Variants in CYP1B1 observed in about 807,000 individuals in gnomAD.
CYP1B1 encodes the protein cytochrome P450 family 1 subfamily B member 1.
A neutral mutation model predicts 29.9 loss-of-function variants in CYP1B1; 22 were observed. The ratio of observed to expected loss-of-function variants is 0.74; its 90% CI spans 0.53 to 1.05. The LOEUF (loss-of-function observed/expected upper bound fraction) is 1.05, where lower values mean the gene tolerates loss of function less well. Among genes scored for constraint, CYP1B1 ranks in the 50% least tolerant of loss-of-function variants. CYP1B1 has a pLI of 0.00. For synonymous variants in CYP1B1, 375 were observed against 320.0 expected (o/e 1.17, Z -1.83); for missense variants, 883 against 746.9 (o/e 1.18, Z -2.12).
intron 2 of CYP1B1, among the ~76,000 whole-genome samples, chr2:38,071,564 C>CA (rs1682433794): frequency 6.6e-6 from 1 of 152,062 alleles, no homozygotes; most frequent in Admixed American, 6.5e-5. Flanking sequence ...CATTATAAGT[C>CA]AAAAAACTCT....
chr2:38,074,245 C>T, intron 2 of CYP1B1, 101 bp downstream of exon 2: 1 of 1,355,170 alleles, frequency 7.4e-7, no homozygotes, highest in Non-Finnish European at 1.0e-6. Context: ...TGGAGCGAAA[C>T]CCCAAACCCG....
rs758678313 is a variant in CYP1B1 at position 38,074,669 on chromosome 2, C to T, written c.720G>A (p.Leu240=). Residue 240 remains leucine (L), a synonymous_variant, in exon 2 of 3, where the codon CTG becomes CTA. Transcript: ENST00000610745. The part of the protein sequence containing the change: ...EFGRTVGAGS[L]VDVMPWLQYF... ...ACTGCAGCCAGGGCATCACGTCCAC[C>T]AGGCTGCCCGCGCCCACCGTGCGCC... The T allele has an allele frequency of 1.2e-6, 2 of 1,613,028 alleles. No individual in the cohort carries two copies. Among genetic ancestry groups the T allele is most frequent in the Admixed American group, 3.3e-5 (2 of 59,996 alleles).
chr2:38,070,837 C>G lies in CYP1B1; in HGVS notation c.1517G>C (p.Ser506Thr). Reference sequence around the variant, plus strand: ...CTTGGGTTTAATGGTTAGACCATAACTGAAATTCATTTTCGCAGGCTCATT... The same window carrying G: ...CTTGGGTTTAATGGTTAGACCATAAGTGAAATTCATTTTCGCAGGCTCATT... ...NPNEPAKMNF[S>T]YGLTIKPKSF... is the part of the protein sequence containing the mutation. The change falls in exon 3 of 3, where the codon AGT becomes ACT. Residue 506 changes from serine to threonine, a missense_variant. By Grantham distance (58) the Ser-to-Thr change is moderately conservative. Coordinates refer to ENST00000610745, the MANE Select transcript of CYP1B1 (RefSeq NM_000104.4). The G allele has an allele frequency of 6.2e-7, 1 of 1,614,190 alleles. No homozygotes were observed. Among genetic ancestry groups the G allele is most frequent in the Non-Finnish European group, 8.5e-7 (1 of 1,180,046 alleles).
rs1682421641 is a variant in CYP1B1, at chr2:38,071,037, G to A, written c.1317C>T (p.Asn439=). The A allele has an allele frequency of 3.1e-6, 5 of 1,614,156 alleles. No individual in the cohort carries two copies. The East Asian group carries it at 1.1e-4, about 36-fold the overall frequency. Residue 439 remains asparagine (N), a synonymous_variant, in exon 3 of 3, where the codon AAC becomes AAT. Coordinates refer to ENST00000610745, the MANE Select transcript of CYP1B1 (RefSeq NM_000104.4). ...TGTCCAAGAATCGAGCTGGATCAAA[G>A]TTCTCCGGGTTAGGCCACTTCAGTG... ...HDPLKWPNPE[N]FDPARFLDKD...
intron 2 of CYP1B1, among the ~76,000 whole-genome samples, chr2:38,071,689 T>C (rs1682435665): frequency 6.6e-6 from 1 of 152,188 alleles, no homozygotes; most frequent in Non-Finnish European, 1.5e-5. Context: ...TGAAAATATT[T>C]TTACGTCTTT....
At chr2:38,075,636 A>G in intron 1 of CYP1B1, 144 bp downstream of exon 1, 1 of 587,070 alleles carries the variant, frequency 1.7e-6, no homozygotes, top group Non-Finnish European at 3.0e-6. Flanking sequence ...CAAGGCGCGT[A>G]ACGGTTCCTG....
rs61690393 is a variant in CYP1B1 at position 38,069,205 on chromosome 2, C to A, written c.*1517G>T. ...CATCTCCACTGTCTTTTCCAAACAG[C>A]TTCCAAGACTATCTTCTGATTCTGA... On this transcript the variant is annotated 3_prime_UTR_variant, in exon 3 of 3. Transcript: ENST00000610745. 1,501 of 225,272 alleles carry A rather than the reference C, an allele frequency of 6.7e-3. 17 individuals are homozygous for A. Among genetic ancestry groups the A allele is most frequent in the African/African-American group, 0.028 (1,260 of 45,036 alleles). 14.0% of individuals were successfully genotyped at this position (225,272 alleles called of 1,614,324 possible).
In CYP1B1 at chr2:38,075,779, C is replaced by A. The variant is rs558102592; in HGVS notation, c.-2+1G>T. On this transcript the variant is annotated splice_donor_variant, in intron 1 of 2. Coordinates refer to ENST00000610745, the MANE Select transcript of CYP1B1 (RefSeq NM_000104.4). LOFTEE classifies it low-confidence loss of function (5UTR_SPLICE). ...GGCAGCGCCTCGGCAGACAGACTGA[C>A]CTGCGGGGAGGTGCGGTTTCCAGTG... The A allele has an allele frequency of 2.5e-5, 7 of 278,222 alleles. No individual in the cohort carries two copies. In the South Asian group the frequency reaches 3.0e-4, roughly 12 times the overall value. 17.2% of individuals were successfully genotyped at this position (278,222 alleles called of 1,614,324 possible). A position where few individuals can be genotyped will look rare whatever the true frequency, so the allele number is the denominator to read the frequency against.
rs1410180953 is a variant in CYP1B1 at position 38,067,895 on chromosome 2, CAA to C, written c.*2825_*2826del. 1 of 189,052 alleles carries C rather than the reference CAA, an allele frequency of 5.3e-6. No homozygotes were observed. The highest frequency in any genetic ancestry group is 1.1e-5 in the Non-Finnish European group (1 of 89,706). The allele number at this position is 189,052 out of a possible 1,614,324, so 11.7% of individuals were successfully genotyped here. The stretch of plus-strand genomic sequence containing the variant: ...CAGTTGTGTCACAGCTAAAAACACA[CAA>C]ATTAACATATACTGCTATGCAACTA... On this transcript the variant is annotated 3_prime_UTR_variant, in exon 3 of 3. Coordinates refer to ENST00000610745, the MANE Select transcript of CYP1B1 (RefSeq NM_000104.4).
chr2:38,071,045 G>C lies in CYP1B1; in HGVS notation c.1309C>G (p.Pro437Ala), dbSNP rs777962233. The C allele has an allele frequency of 3.9e-5, 63 of 1,613,934 alleles. No homozygotes were observed. The highest frequency in any genetic ancestry group is 4.7e-5 in the Non-Finnish European group (55 of 1,179,952). ...AATCGAGCTGGATCAAAGTTCTCCG[G>C]GTTAGGCCACTTCAGTGGGTCATGA... ...VNHDPLKWPNPENFDPARFLD... is the reference protein window; with the variant it reads ...VNHDPLKWPNAENFDPARFLD... The change falls in exon 3 of 3, where the codon CCG (proline) becomes GCG (alanine). Residue 437 changes from proline to alanine, a missense_variant. Physicochemically the swap from Pro to Ala is conservative, Grantham distance 27 (BLOSUM62 -1). Coordinates refer to ENST00000610745, the MANE Select transcript of CYP1B1 (RefSeq NM_000104.4).
In CYP1B1 at chr2:38,070,632, G is replaced by A; in HGVS notation, c.*90C>T. 2 of 1,131,576 alleles carry A rather than the reference G, an allele frequency of 1.8e-6. No individual in the cohort carries two copies. Among genetic ancestry groups the A allele is most frequent in the Non-Finnish European group, 2.7e-6 (2 of 748,736 alleles). The allele number at this position is 1,131,576 out of a possible 1,614,324, so 70.1% of individuals were successfully genotyped here. On this transcript the variant is annotated 3_prime_UTR_variant, in exon 3 of 3. Coordinates refer to ENST00000610745, the MANE Select transcript of CYP1B1 (RefSeq NM_000104.4). The stretch of plus-strand genomic sequence containing the variant: ...CACCTTAAACGCTAATTGAGAAGCA[G>A]CACAAAAGAGGAACTGGAAAAAAAC...
Position 38,075,057 on chromosome 2 carries a change from C to T in CYP1B1, c.332G>A (p.Gly111Asp), listed in dbSNP as rs1464054512. 2.5e-6 allele frequency: 4 copies of T among 1,585,124 alleles called. No homozygotes were observed. The highest frequency in any genetic ancestry group is 3.4e-6 in the Non-Finnish European group (4 of 1,173,658). ...GGCCGGCCGGTCGGCGAAGGCCGAGCCCTGCTGCACCAGGGCCTGGTGGAT... is the reference window on the plus strand; with the variant it reads ...GGCCGGCCGGTCGGCGAAGGCCGAGTCCTGCTGCACCAGGGCCTGGTGGAT... Reference protein sequence around the residue: ...RAIHQALVQQGSAFADRPAFA... With the variant: ...RAIHQALVQQDSAFADRPAFA... Residue 111 changes from glycine (G) to aspartate (D), a missense_variant, in exon 2 of 3, where the codon GGC becomes GAC. Gly to Asp is a moderately conservative substitution (Grantham distance 94). Transcript: ENST00000610745.
Position 38,070,649 on chromosome 2 carries a change from GA to G in CYP1B1, c.*72del. On this transcript the variant is annotated 3_prime_UTR_variant, in exon 3 of 3. Transcript: ENST00000610745. ...GAGAAGCAGCACAAAAGAGGAACTG[GA>G]AAAAAACTGAATTTTACTCCTCATC... 1 of 1,381,138 alleles carries G rather than the reference GA, an allele frequency of 7.2e-7. No individual in the cohort carries two copies. Among genetic ancestry groups the G allele is most frequent in the Non-Finnish European group, 1.0e-6 (1 of 970,092 alleles). The allele number at this position is 1,381,138 out of a possible 1,614,324, so 85.6% of individuals were successfully genotyped here.
Position 38,070,642 on chromosome 2 carries a change from G to A in CYP1B1, c.*80C>T, listed in dbSNP as rs1380622123. 21 of 1,235,118 alleles carry A rather than the reference G, an allele frequency of 1.7e-5. No homozygotes were observed. 76.5% of individuals were successfully genotyped at this position (1,235,118 alleles called of 1,614,324 possible). On this transcript the variant is annotated 3_prime_UTR_variant, in exon 3 of 3. Coordinates refer to ENST00000610745, the MANE Select transcript of CYP1B1 (RefSeq NM_000104.4). ...GCTAATTGAGAAGCAGCACAAAAGA[G>A]GAACTGGAAAAAAACTGAATTTTAC...
At chr2:38,075,480 T>A in intron 1 of CYP1B1, 91 bp from the exon 2 acceptor site, 1 of 1,325,190 alleles carries the variant, frequency 7.5e-7, no homozygotes, top group Non-Finnish European at 1.1e-6. Flanking sequence ...GGGGACTGAG[T>A]GCCGTTGGGT....
At chr2:38,071,634 C>T (rs557750244) in intron 2 of CYP1B1, among the ~76,000 whole-genome samples, 14 of 152,290 alleles carry the variant, frequency 9.2e-5, no homozygotes, top group Admixed American at 4.6e-4. Flanking sequence ...CCATTGGGTA[C>T]CGCAGGGACA....
intron 2 of CYP1B1, among the ~76,000 whole-genome samples, chr2:38,072,020 A>G (rs1682441804): frequency 6.6e-6 from 1 of 152,224 alleles, no homozygotes; most frequent in Non-Finnish European, 1.5e-5. Context: ...CAATGTTCAT[A>G]AAATTATGGT....
rs749521942 is a variant in CYP1B1 at position 38,074,442 on chromosome 2, T to A, written c.947A>T (p.Asp316Val). The change falls in exon 2 of 3, where the codon GAT becomes GTT. Residue 316 changes from aspartate (D) to valine (V), a missense_variant. Coordinates refer to ENST00000610745, the MANE Select transcript of CYP1B1 (RefSeq NM_000104.4). ...GDSHGGGARLDLENVPATITD... is the reference protein window; with the variant it reads ...GDSHGGGARLVLENVPATITD... ...GATAGTGGCCGGTACGTTCTCCAAA[T>A]CCAGCCGCGCGCCACCACCGTGCGA... 3.5e-5 allele frequency: 56 copies of A among 1,612,980 alleles called. No homozygotes were observed. Among genetic ancestry groups the A allele is most frequent in the Middle Eastern group, 1.6e-4 (1 of 6,078 alleles).
Position 38,075,145 on chromosome 2 carries a change from C to G in CYP1B1, c.244G>C (p.Gly82Arg). Residue 82 changes from glycine (G) to arginine (R), a missense_variant, in exon 2 of 3, where the codon GGC (glycine) becomes CGC (arginine). Transcript: ENST00000610745. ...CCCAGGCGGATCTGGAAAACGTCGCCGTAGCGCCGCGCCAGGCGAGCGAAC... is the reference window on the plus strand; with the variant it reads ...CCCAGGCGGATCTGGAAAACGTCGCGGTAGCGCCGCGCCAGGCGAGCGAAC... ...LSFARLARRY[G>R]DVFQIRLGSC... 6.4e-7 allele frequency: 1 copy of G among 1,574,252 alleles called. No individual in the cohort carries two copies. Among genetic ancestry groups the G allele is most frequent in the Non-Finnish European group, 8.6e-7 (1 of 1,167,788 alleles).
Sources: gnomAD v4.1 joint callset for allele counts (sites outside exome capture counted in the v4.1 genomes callset) on GRCh38, gnomAD v4.1.1 for gene constraint, MANE v1.5 for transcripts, NCBI Gene and HGNC (gene_info 2026-07-23, HGNC 2026-07-21) for gene names.